CDK11B: variants seen among roughly 807,000 people sequenced by gnomAD.
CDK11B encodes cyclin-dependent kinase 11B.
CDK11B carries 37 observed loss-of-function variants against 84.0 expected under a neutral mutation model. That is an observed-to-expected ratio of 0.44 (90% CI 0.34 to 0.58). CDK11B has a LOEUF of 0.58. Ranked by LOEUF, CDK11B falls within the 20% of genes least tolerant of loss-of-function variation. CDK11B has a pLI of 0.02. For synonymous variants in CDK11B, 269 were observed against 309.8 expected (o/e 0.87, Z 1.38); for missense variants, 427 against 834.0 (o/e 0.51, Z 6.01).
At chr1:1,648,955 CTTCA>C (rs944536630) in intron 5 of CDK11B, among the ~76,000 whole-genome samples, 27 of 152,126 alleles carry the variant, frequency 1.8e-4, no homozygotes, top group African/African-American at 6.0e-4. Flanking sequence ...TTTCTGATCC[CTTCA>C]TTGTCTTCCC....
At chr1:1,646,283 T>C (rs1641101174) in intron 5 of CDK11B, 1 of 405,858 alleles carries the variant, frequency 2.5e-6, no homozygotes, top group Non-Finnish European at 4.9e-6. Flanking sequence ...TGTGTCTTTT[T>C]TATTCTTCCC....
rs1482113620 is a variant in CDK11B at position 1,658,979 on chromosome 1, C to T, written c.-79G>A. On this transcript the variant is annotated 5_prime_UTR_variant, in exon 1 of 20. Coordinates refer to ENST00000341832, the MANE Select transcript of CDK11B (RefSeq NM_033486.3). The stretch of plus-strand genomic sequence containing the variant: ...CCGGAGCCAGAGAAGAAACAGCAAC[C>T]GGCGCGCGCCAAAAGTATCGTCACT... 12 of 197,502 alleles carry T rather than the reference C, an allele frequency of 6.1e-5. No individual in the cohort carries two copies. In the Admixed American group the frequency reaches 7.0e-4, roughly 11 times the overall value. The allele number at this position is 197,502 out of a possible 1,614,324, so 12.2% of individuals were successfully genotyped here. A position where few individuals can be genotyped will look rare whatever the true frequency, so the allele number is the denominator to read the frequency against.
chr1:1,636,260 G>A, intron 18 of CDK11B, 73 bp downstream of exon 18: 2 of 1,423,518 alleles, frequency 1.4e-6, no homozygotes, highest in Non-Finnish European at 1.9e-6. Flanking sequence ...TGGTGAGCCA[G>A]CAGGTAGGCC....
chr1:1,637,019 G>A lies in CDK11B; in HGVS notation c.1693-15C>T. On this transcript the variant is annotated splice_polypyrimidine_tract_variant and intron_variant, in intron 15 of 19. Coordinates refer to ENST00000341832, the MANE Select transcript of CDK11B (RefSeq NM_033486.3). ...AAGTCACCCACCTGCAACGACAGAT[G>A]GGCGGCTGTGAGTGGGCCCCGGCAG... 1.2e-6 allele frequency: 2 copies of A among 1,613,062 alleles called. No homozygotes were observed. The highest frequency in any genetic ancestry group is 8.5e-7 in the Non-Finnish European group (1 of 1,179,576).
Position 1,650,091 on chromosome 1 carries a change from A to G in CDK11B, c.356-454T>C, listed in dbSNP as rs1302353712. On this transcript the variant is annotated intron_variant, in intron 4 of 19. Transcript: ENST00000341832. ...CGGGACCATCCTGGCTAACACGGTGAAACCCCATCTCTACTAAAAATACAA... is the reference window on the plus strand; with the variant it reads ...CGGGACCATCCTGGCTAACACGGTGGAACCCCATCTCTACTAAAAATACAA... Among the ~76,000 whole-genome samples the G allele has an allele frequency of 1.9e-4, 29 of 151,120 alleles. No individual in the cohort carries two copies. The East Asian group carries it at 3.8e-3, about 20-fold the overall frequency.
At chr1:1,650,421 A>T (rs1220871978) in intron 4 of CDK11B, among the ~76,000 whole-genome samples, 1 of 133,920 alleles carries the variant, frequency 7.5e-6, no homozygotes, top group Non-Finnish European at 1.5e-5. Context: ...GCTGGAGTGC[A>T]GTGGCGCAAT....
In CDK11B at chr1:1,635,616, T is replaced by C. The variant is rs1411187073; in HGVS notation, c.*148A>G. On this transcript the variant is annotated 3_prime_UTR_variant, in exon 20 of 20. Coordinates refer to ENST00000341832, the MANE Select transcript of CDK11B (RefSeq NM_033486.3). ...CTCCACAACAAGGAAAATGATTTAA[T>C]TCTACAAATTTACAAACCAAAATAC... The C allele has an allele frequency of 2.1e-5, 9 of 436,944 alleles. 1 individual carries two copies. Among genetic ancestry groups the C allele is most frequent in the African/African-American group, 3.7e-5 (1 of 27,012 alleles). The allele number at this position is 436,944 out of a possible 1,614,324, so 27.1% of individuals were successfully genotyped here.
intron 13 of CDK11B, 80 bp from the exon 14 acceptor site, chr1:1,637,593 C>T (rs1639570360): frequency 1.9e-6 from 3 of 1,608,788 alleles, no homozygotes; most frequent in Non-Finnish European, 2.5e-6. Context: ...TGCTGAGGGA[C>T]AGTAAGGACC....
intron 3 of CDK11B, among the ~76,000 whole-genome samples, chr1:1,653,826 A>G (rs1372235130): frequency 2.0e-4 from 2 of 10,146 alleles, no homozygotes; most frequent in Non-Finnish European, 3.4e-4. Flanking sequence ...TACTAAAAAT[A>G]CACACACACA....
At chr1:1,658,034 C>G (rs1241605765) in intron 1 of CDK11B, among the ~76,000 whole-genome samples, 1 of 148,336 alleles carries the variant, frequency 6.7e-6, no homozygotes, top group Non-Finnish European at 1.5e-5. Flanking sequence ...CTTAGCTGGG[C>G]GTGGTGGCGG....
intron 1 of CDK11B, among the ~76,000 whole-genome samples, chr1:1,658,646 G>GGCCACCT (rs1247715747): frequency 6.8e-6 from 1 of 147,926 alleles, no homozygotes. Context: ...TCGCGAACAA[G>GGCCACCT]GCCACCTGAC....
chr1:1,643,509 C>T, intron 6 of CDK11B, among the ~76,000 whole-genome samples: 1 of 149,580 alleles, frequency 6.7e-6, no homozygotes, highest in Non-Finnish European at 1.5e-5. Context: ...AGACACGGTT[C>T]CTGAAAATCA....
chr1:1,651,781 C>A (rs1464066868), intron 4 of CDK11B, among the ~76,000 whole-genome samples: 2 of 151,540 alleles, frequency 1.3e-5, no homozygotes, highest in Non-Finnish European at 2.9e-5. Flanking sequence ...CTGTAACACA[C>A]GCACGCTTTC....
chr1:1,658,277 C>T (rs1450775055), intron 1 of CDK11B, among the ~76,000 whole-genome samples: 1 of 149,436 alleles, frequency 6.7e-6, no homozygotes. Context: ...CCAGGAGTTC[C>T]AGGCTGAAGT....
chr1:1,654,816 G>A (rs543106225), intron 3 of CDK11B, among the ~76,000 whole-genome samples: 1 of 151,834 alleles, frequency 6.6e-6, no homozygotes, highest in South Asian at 2.1e-4. Flanking sequence ...CTGCCACCAC[G>A]CCCGGCTAAT....
At chr1:1,654,804 G>A (rs1184142668) in intron 3 of CDK11B, among the ~76,000 whole-genome samples, 3 of 151,762 alleles carry the variant, frequency 2.0e-5, no homozygotes. Flanking sequence ...GACTAAAGGC[G>A]CCTGCCACCA....
In CDK11B at chr1:1,637,735, G is replaced by C. The variant is rs762205632; in HGVS notation, c.1464+27C>G. On this transcript the variant is annotated intron_variant, in intron 13 of 19. Transcript: ENST00000341832. ...CCTGTCAGAAAAGCCTTCCACCCGG[G>C]GCCAGGCGTGGTGGGGCCATGCTCA... 18 of 1,613,552 alleles carry C rather than the reference G, an allele frequency of 1.1e-5. No homozygotes were observed. The African/African-American group carries it at 1.9e-4, about 17-fold the overall frequency.
rs1473401726 is a variant in CDK11B, at chr1:1,653,529, C to T, written c.228-963G>A. Among the ~76,000 whole-genome samples, 5 of 151,938 alleles carry T rather than the reference C, an allele frequency of 3.3e-5. No homozygotes were observed. In the East Asian group the frequency reaches 7.8e-4, roughly 24 times the overall value. On this transcript the variant is annotated intron_variant, in intron 3 of 19. Coordinates refer to ENST00000341832, the MANE Select transcript of CDK11B (RefSeq NM_033486.3). ...AGAGACGGGCTTTCACCATGTTGGC[C>T]AGGCTGATCTTGAACTCCTGACCTC...
chr1:1,652,356 G>A, intron 4 of CDK11B, 83 bp downstream of exon 4: 1 of 1,176,546 alleles, frequency 8.5e-7, no homozygotes, highest in Non-Finnish European at 1.2e-6. Flanking sequence ...TTTTTCAGTG[G>A]TGCTCTGGGG....
Sources: gnomAD v4.1 joint callset for allele counts (sites outside exome capture counted in the v4.1 genomes callset) on GRCh38, gnomAD v4.1.1 for gene constraint, MANE v1.5 for transcripts, NCBI Gene and HGNC (gene_info 2026-07-23, HGNC 2026-07-21) for gene names.